LINGO2: variants seen among roughly 807,000 people sequenced by gnomAD.
LINGO2 encodes leucine rich repeat and Ig domain containing 2.
In LINGO2, 14 loss-of-function variants were observed where a neutral mutation model predicts 30.6. The ratio of observed to expected loss-of-function variants is 0.46; its 90% CI spans 0.30 to 0.72. The LOEUF (loss-of-function observed/expected upper bound fraction) is 0.72, where lower values mean the gene tolerates loss of function less well. Ranked by LOEUF, LINGO2 falls within the 30% of genes least tolerant of loss-of-function variation. LINGO2 has a pLI of 0.07. For missense variants in LINGO2, 729 were observed against 751.7 expected (o/e 0.97, Z 0.35); for synonymous variants, 317 against 288.5 (o/e 1.10, Z -1.00).
chr9:28,327,977 T>C (rs1050031986), intron 3 of LINGO2, among the ~76,000 whole-genome samples: 5 of 152,156 alleles, frequency 3.3e-5, no homozygotes, highest in African/African-American at 1.2e-4. Context: ...CAACATACAC[T>C]CTCAGCAGCC....
At chr9:28,955,797 GGAA>G in the LINGO2 span, among the ~76,000 whole-genome samples, 1 of 152,012 alleles carries the variant, frequency 6.6e-6, no homozygotes, top group Non-Finnish European at 1.5e-5. Flanking sequence ...GACACAGTAA[GGAA>G]CCACTTTGGA....
intron 1 of LINGO2, among the ~76,000 whole-genome samples, chr9:28,583,896 A>G (rs1344146441): frequency 6.6e-6 from 1 of 152,082 alleles, no homozygotes; most frequent in African/African-American, 2.4e-5. Context: ...GTTCTTCCCT[A>G]TTGAATGGAT....
At chr9:29,033,472 T>G in the LINGO2 span, among the ~76,000 whole-genome samples, 1 of 151,198 alleles carries the variant, frequency 6.6e-6, no homozygotes, top group Non-Finnish European at 1.5e-5. Context: ...CGTACGGGGT[T>G]GAAATAGTTT....
At chr9:28,983,134 T>C in the LINGO2 span, among the ~76,000 whole-genome samples, 1 of 151,956 alleles carries the variant, frequency 6.6e-6, no homozygotes, top group African/African-American at 2.4e-5. Context: ...GTGTGCCATG[T>C]CTGGGCCACA....
intron 4 of LINGO2, among the ~76,000 whole-genome samples, chr9:28,144,110 A>G (rs1468195171): frequency 6.6e-6 from 1 of 152,210 alleles, no homozygotes; most frequent in Admixed American, 6.5e-5. Context: ...AGAAAAATAA[A>G]TAGATAAAAT....
At chr9:29,180,378 T>C in the LINGO2 span, among the ~76,000 whole-genome samples, 2 of 152,234 alleles carry the variant, frequency 1.3e-5, no homozygotes, top group African/African-American at 4.8e-5. Context: ...GGCAAATATA[T>C]TTTCAAGCTT....
chr9:28,424,289 C>T (rs910606756), intron 2 of LINGO2, among the ~76,000 whole-genome samples: 2 of 152,102 alleles, frequency 1.3e-5, no homozygotes, highest in Non-Finnish European at 1.5e-5. Flanking sequence ...AACTTTTAGG[C>T]CTAGCCTGCA....
intron 5 of LINGO2, among the ~76,000 whole-genome samples, chr9:27,954,968 A>G (rs964548018): frequency 1.3e-5 from 2 of 152,094 alleles, no homozygotes; most frequent in African/African-American, 2.4e-5. Context: ...TGATCTCTCA[A>G]TGTGGTTTTG....
chr9:28,571,283 T>C (rs1823676479), intron 1 of LINGO2, among the ~76,000 whole-genome samples: 1 of 152,026 alleles, frequency 6.6e-6, no homozygotes, highest in Non-Finnish European at 1.5e-5. Context: ...AAAATAAAAG[T>C]ATAAGTAGTC....
chr9:28,451,578 G>A (rs985846761), intron 2 of LINGO2, among the ~76,000 whole-genome samples: 1 of 151,648 alleles, frequency 6.6e-6, no homozygotes, highest in Non-Finnish European at 1.5e-5. Context: ...AGTAGAAAAT[G>A]TTCTTAGTGT....
At chr9:28,003,342 T>TATAGATATATAG (rs1554653728) in intron 5 of LINGO2, among the ~76,000 whole-genome samples, 15 of 141,732 alleles carry the variant, frequency 1.1e-4, no homozygotes, top group African/African-American at 2.8e-4. Context: ...TATATAGATA[T>TATAGATATATAG]ATAGATAGAT....
At chr9:28,053,733 T>C (rs1824784109) in intron 4 of LINGO2, among the ~76,000 whole-genome samples, 1 of 152,072 alleles carries the variant, frequency 6.6e-6, no homozygotes, top group Non-Finnish European at 1.5e-5. Flanking sequence ...TGGAACTGGA[T>C]ATGGGTATGT....
At chr9:29,010,608 A>T in the LINGO2 span, among the ~76,000 whole-genome samples, 2 of 152,214 alleles carry the variant, frequency 1.3e-5, no homozygotes, top group Non-Finnish European at 2.9e-5. Flanking sequence ...CTAAAATACA[A>T]CATCAATTTT....
chr9:27,972,807 C>T (rs1410875919), intron 5 of LINGO2, among the ~76,000 whole-genome samples: 1 of 152,150 alleles, frequency 6.6e-6, no homozygotes, highest in Non-Finnish European at 1.5e-5. Flanking sequence ...TTGATAGTTA[C>T]ATTCAAACTG....
intron 2 of LINGO2, among the ~76,000 whole-genome samples, chr9:28,449,273 A>T (rs976111691): frequency 1.3e-5 from 2 of 152,048 alleles, no homozygotes; most frequent in Non-Finnish European, 2.9e-5. Flanking sequence ...TTAACAAAGC[A>T]TCTCAAAGTC....
chr9:28,564,596 C>T (rs1416753145), intron 1 of LINGO2, among the ~76,000 whole-genome samples: 2 of 152,072 alleles, frequency 1.3e-5, no homozygotes, highest in African/African-American at 4.8e-5. Context: ...TGCTCCTCCT[C>T]CTTTCACCAC....
the LINGO2 span, among the ~76,000 whole-genome samples, chr9:28,907,872 A>C: frequency 6.6e-6 from 1 of 151,622 alleles, no homozygotes; most frequent in Non-Finnish European, 1.5e-5. Flanking sequence ...CTTCTAAATT[A>C]AAGTGGCCTT....
chr9:27,993,830 A>C (rs899290451), intron 5 of LINGO2, among the ~76,000 whole-genome samples: 5 of 152,130 alleles, frequency 3.3e-5, no homozygotes, highest in African/African-American at 7.2e-5. Flanking sequence ...AGAACATTTT[A>C]TCCAACTGCT....
intron 3 of LINGO2, among the ~76,000 whole-genome samples, chr9:28,337,699 C>T (rs58084641): frequency 0.041 from 6,276 of 152,200 alleles, 210 homozygotes; most frequent in African/African-American, 0.088. Flanking sequence ...GGCCAAGTTA[C>T]GGGTTAGGTC....
Sources: allele counts gnomAD v4.1 joint callset (sites outside exome capture counted in the v4.1 genomes callset), GRCh38; gene constraint gnomAD v4.1.1; transcripts MANE v1.5; gene names NCBI Gene and HGNC (gene_info 2026-07-23, HGNC 2026-07-21).